The following SH3YL1 variants were observed in gnomAD, a reference collection of about 807,000 sequenced individuals.
The protein encoded by SH3YL1 is SH3 and SYLF domain containing 1, also known as SH3 domain-containing YSC84-like protein 1.
A neutral mutation model predicts 45.8 loss-of-function variants in SH3YL1; 41 were observed. The observed-to-expected ratio is 0.89, with a 90% CI of 0.70 to 1.16. The LOEUF (loss-of-function observed/expected upper bound fraction) is 1.16, where lower values mean the gene tolerates loss of function less well. Among genes scored for constraint, SH3YL1 ranks in the 50% most tolerant of loss-of-function variants. The pLI is 0.00. For missense variants in SH3YL1, 389 were observed against 409.6 expected (o/e 0.95, Z 0.43); for synonymous variants, 152 against 151.4 (o/e 1.00, Z -0.03).
At chr2:223,852 A>G (rs1227935108) in intron 9 of SH3YL1, among the ~76,000 whole-genome samples, 3 of 152,182 alleles carry the variant, frequency 2.0e-5, no homozygotes, top group Non-Finnish European at 4.4e-5. Context: ...ACCCCCTCGG[A>G]GGAGAAACAT....
At chr2:242,990 A>G in intron 4 of SH3YL1, 5 of 588,958 alleles carry the variant, frequency 8.5e-6, no homozygotes, top group Non-Finnish European at 1.3e-5. Flanking sequence ...ACATATATTT[A>G]TACAAGCACA....
chr2:224,757 G>A, intron 9 of SH3YL1, 107 bp downstream of exon 9: 1 of 820,316 alleles, frequency 1.2e-6, no homozygotes, highest in African/African-American at 1.7e-5. Flanking sequence ...ATAAATTAAA[G>A]GGCTGAACAC....
intron 1 of SH3YL1, 22 bp downstream of exon 1, chr2:263,962 A>C: frequency 6.6e-7 from 1 of 1,506,546 alleles, no homozygotes; most frequent in South Asian, 1.2e-5. Flanking sequence ...GCTGCCGGAC[A>C]GGTGGGTCCC....
At chr2:252,030 G>A (rs1191975724) in intron 2 of SH3YL1, among the ~76,000 whole-genome samples, 1 of 152,168 alleles carries the variant, frequency 6.6e-6, no homozygotes, top group Non-Finnish European at 1.5e-5. Context: ...ATAACTAGAA[G>A]TGGTGATGAA....
At chr2:240,761 C>G (rs549569880) in intron 4 of SH3YL1, 3 of 152,218 alleles carry the variant, frequency 2.0e-5, no homozygotes, top group African/African-American at 2.4e-5. Flanking sequence ...AGACAGGTCA[C>G]GGACAGGGAC....
intron 2 of SH3YL1, among the ~76,000 whole-genome samples, chr2:250,347 G>A (rs1478059297): frequency 6.6e-6 from 1 of 152,120 alleles, no homozygotes; most frequent in Non-Finnish European, 1.5e-5. Flanking sequence ...TTCAAAAACA[G>A]AAAAATTAAG....
At chr2:247,406 TAAAG>T (rs1267363390) in intron 4 of SH3YL1, 128 bp downstream of exon 4, 8 of 612,608 alleles carry the variant, frequency 1.3e-5, no homozygotes, top group Non-Finnish European at 2.2e-5. Flanking sequence ...ATCGAGAAAA[TAAAG>T]GAAACAATTT....
intron 8 of SH3YL1, among the ~76,000 whole-genome samples, chr2:227,597 A>G (rs1389422409): frequency 1.3e-5 from 2 of 152,228 alleles, no homozygotes; most frequent in South Asian, 2.1e-4. Context: ...AAGAAGATAT[A>G]GTAAAGCACG....
chr2:245,898 C>T (rs1164939289), intron 4 of SH3YL1, among the ~76,000 whole-genome samples: 2 of 152,112 alleles, frequency 1.3e-5, no homozygotes, highest in East Asian at 3.9e-4. Context: ...TAAAATAATA[C>T]TGTGTATCAG....
chr2:254,283 T>A (rs1340045326), intron 1 of SH3YL1, among the ~76,000 whole-genome samples: 1 of 152,200 alleles, frequency 6.6e-6, no homozygotes, highest in African/African-American at 2.4e-5. Flanking sequence ...TGGACATTCA[T>A]ACACTCATCA....
intron 9 of SH3YL1, among the ~76,000 whole-genome samples, chr2:224,235 A>C (rs1289722724): frequency 6.6e-6 from 1 of 152,300 alleles, no homozygotes; most frequent in Middle Eastern, 3.4e-3. Flanking sequence ...CTTCAGGGAA[A>C]CCTCTGAAGA....
chr2:263,824 G>A, intron 1 of SH3YL1, 160 bp downstream of exon 1: 1 of 575,680 alleles, frequency 1.7e-6, no homozygotes, highest in African/African-American at 2.0e-5. Flanking sequence ...AGAAAGTCCT[G>A]GAAGCTGCTC....
At chr2:243,812 C>T (rs1668652359) in intron 4 of SH3YL1, among the ~76,000 whole-genome samples, 1 of 152,148 alleles carries the variant, frequency 6.6e-6, no homozygotes, top group Non-Finnish European at 1.5e-5. Context: ...TTAGGTAAGA[C>T]ACTAATGTCT....
At chr2:234,886 T>C (rs1668218372) in intron 4 of SH3YL1, among the ~76,000 whole-genome samples, 1 of 152,178 alleles carries the variant, frequency 6.6e-6, no homozygotes, top group Non-Finnish European at 1.5e-5. Context: ...TTTTTCTTTT[T>C]TTTTCCTTGA....
chr2:223,791 C>G (rs2103017817), intron 9 of SH3YL1, among the ~76,000 whole-genome samples: 1 of 152,234 alleles, frequency 6.6e-6, no homozygotes, highest in East Asian at 1.9e-4. Context: ...GTAGGTGAGC[C>G]CCCGACCATC....
At chr2:248,000 A>G (rs1000936235) in intron 3 of SH3YL1, among the ~76,000 whole-genome samples, 4 of 152,224 alleles carry the variant, frequency 2.6e-5, no homozygotes, top group Non-Finnish European at 5.9e-5. Context: ...AAGAGATCAG[A>G]AGGATTCGAG....
At chr2:259,792 T>TG (rs1431516248) in intron 1 of SH3YL1, 2 of 150,874 alleles carry the variant, frequency 1.3e-5, no homozygotes, top group Non-Finnish European at 2.9e-5. Flanking sequence ...AATGTTCATT[T>TG]GGGGAGAAAA....
intron 1 of SH3YL1, chr2:256,326 T>C (rs974660262): frequency 2.6e-5 from 4 of 152,212 alleles, no homozygotes; most frequent in South Asian, 2.1e-4. Context: ...TGATAGACAA[T>C]TGGGTTGTTT....
intron 1 of SH3YL1, among the ~76,000 whole-genome samples, chr2:254,381 G>C (rs1485964227): frequency 6.6e-6 from 1 of 152,182 alleles, no homozygotes; most frequent in Non-Finnish European, 1.5e-5. Flanking sequence ...CTGGACGAGG[G>C]ATCAGCAGAG....
Sources: allele counts gnomAD v4.1 joint callset (sites outside exome capture counted in the v4.1 genomes callset), GRCh38; gene constraint gnomAD v4.1.1; transcripts MANE v1.5; gene names NCBI Gene and HGNC (gene_info 2026-07-23, HGNC 2026-07-21).